The following ACSM3 variants were observed in gnomAD, a reference collection of about 807,000 sequenced individuals.
ACSM3 encodes the protein acyl-coenzyme A synthetase ACSM3, mitochondrial.
Under a neutral mutation model 74.1 loss-of-function variants are expected in ACSM3, and 61 were observed. The ratio of observed to expected loss-of-function variants is 0.82; its 90% CI spans 0.67 to 1.02. The LOEUF is 1.02. Ranked by LOEUF, ACSM3 falls within the 50% of genes least tolerant of loss-of-function variation. ACSM3 has a pLI of 0.00. For synonymous variants in ACSM3, 213 were observed against 241.5 expected (o/e 0.88, Z 1.09); for missense variants, 660 against 697.0 (o/e 0.95, Z 0.60).
rs1185799153 is a variant in ACSM3 at position 20,729,081 on chromosome 16, A to G, written c.-189-20829A>G. On this transcript the variant is annotated intron_variant, in intron 1 of 3. Coordinates refer to the ACSM3 transcript ENST00000561584. ...TATGATCAAGCCAATGCAGTCCAGC[A>G]TGGGCAACAGAAAGAGACTCTGTCT... 1.7e-5 allele frequency: 7 copies of G among 416,102 alleles called. No individual in the cohort carries two copies. In the East Asian group the frequency reaches 1.8e-4, roughly 10 times the overall value. 25.8% of individuals were successfully genotyped at this position (416,102 alleles called of 1,614,324 possible).
At chr16:20,717,791 T>C (rs1436974138) in intron 1 of ACSM3, among the ~76,000 whole-genome samples, 1 of 149,950 alleles carries the variant, frequency 6.7e-6, no homozygotes, top group South Asian at 2.1e-4. Flanking sequence ...ATTTAGGCTA[T>C]AGGGAGATGA....
At chr16:20,755,058 TC>T (rs2080018371) in intron 2 of ACSM3, among the ~76,000 whole-genome samples, 1 of 152,044 alleles carries the variant, frequency 6.6e-6, no homozygotes, top group Non-Finnish European at 1.5e-5. Flanking sequence ...GGAACTCTAG[TC>T]CCCACCCAAC....
chr16:20,739,418 G>A (rs1022796792), intron 1 of ACSM3, among the ~76,000 whole-genome samples: 221 of 152,028 alleles, frequency 1.5e-3, no homozygotes, highest in African/African-American at 5.2e-3. Context: ...TGATCCACTC[G>A]CCTCAGCCTC....
At chr16:20,682,037 T>C (rs2079456087) in intron 1 of ACSM3, 1 of 486,184 alleles carries the variant, frequency 2.1e-6, no homozygotes, top group Non-Finnish European at 3.7e-6. Context: ...ACTTCTGTAG[T>C]AAGCTTCCCC....
intron 2 of ACSM3, among the ~76,000 whole-genome samples, chr16:20,773,406 G>A (rs758334758): frequency 6.6e-5 from 10 of 151,852 alleles, no homozygotes; most frequent in Non-Finnish European, 1.3e-4. Flanking sequence ...TTTGGATTTA[G>A]TTTGTTCTTG....
chr16:20,754,073 G>A (rs1319999802), intron 2 of ACSM3, among the ~76,000 whole-genome samples: 1 of 152,182 alleles, frequency 6.6e-6, no homozygotes, highest in African/African-American at 2.4e-5. Flanking sequence ...CATGGTCATT[G>A]GAAGGAATGC....
chr16:20,691,800 TG>T, intron 1 of ACSM3, among the ~76,000 whole-genome samples: 1 of 143,086 alleles, frequency 7.0e-6, no homozygotes, highest in South Asian at 2.2e-4. Flanking sequence ...TGTGTGTGTG[TG>T]TGTGTTTCTA....
chr16:20,766,384 T>G (rs1421546056), intron 1 of ACSM3, among the ~76,000 whole-genome samples: 1 of 149,822 alleles, frequency 6.7e-6, no homozygotes, highest in Non-Finnish European at 1.5e-5. Context: ...CTGAGTGTGG[T>G]GGCTCCCACC....
At chr16:20,724,267 C>A (rs1037229403) in intron 1 of ACSM3, among the ~76,000 whole-genome samples, 1 of 152,136 alleles carries the variant, frequency 6.6e-6, no homozygotes. Flanking sequence ...TAAACAGAAC[C>A]AATGACAAAA....
chr16:20,688,745 C>T (rs1225977764), intron 1 of ACSM3, among the ~76,000 whole-genome samples: 1 of 151,924 alleles, frequency 6.6e-6, no homozygotes, highest in Non-Finnish European at 1.5e-5. Flanking sequence ...TATCCCTAGA[C>T]TTGCCCCTAC....
At chr16:20,697,556 T>TACACACACACACACAC (rs57633278) in intron 1 of ACSM3, 4 of 139,644 alleles carry the variant, frequency 2.9e-5, no homozygotes, top group East Asian at 2.3e-4. Flanking sequence ...AAAATTGGAT[T>TACACACACACACACAC]ACACACACAC....
intron 1 of ACSM3, among the ~76,000 whole-genome samples, chr16:20,748,195 G>C (rs2079966376): frequency 6.6e-6 from 1 of 151,982 alleles, no homozygotes; most frequent in Admixed American, 6.6e-5. Context: ...AAAGAGTCTA[G>C]GGTAACTGGA....
chr16:20,787,903 A>AC (rs1567360259), intron 9 of ACSM3, among the ~76,000 whole-genome samples: 1 of 151,964 alleles, frequency 6.6e-6, no homozygotes. Flanking sequence ...CTGAAGAACC[A>AC]CCCCCCGACA....
At chr16:20,747,625 T>G (rs76332893) in intron 1 of ACSM3, among the ~76,000 whole-genome samples, 1 of 152,362 alleles carries the variant, frequency 6.6e-6, no homozygotes, top group African/African-American at 2.4e-5. Flanking sequence ...TTTACTTCTT[T>G]GAGCACTTCT....
At chr16:20,679,608 G>C (rs2079395209) in intron 1 of ACSM3, 1 of 152,068 alleles carries the variant, frequency 6.6e-6, no homozygotes, top group African/African-American at 2.4e-5. Flanking sequence ...TACCATTTCT[G>C]CCTATACTAG....
chr16:20,780,922 TC>T, intron 5 of ACSM3, 51 bp from the exon 6 acceptor site: 2 of 1,612,370 alleles, frequency 1.2e-6, no homozygotes, highest in South Asian at 2.2e-5. Flanking sequence ...TATGTACTGG[TC>T]TTTTATATTT....
Position 20,733,325 on chromosome 16 carries a change from A to T in ACSM3, c.-189-16585A>T, listed in dbSNP as rs542271148. Among the ~76,000 whole-genome samples the T allele has an allele frequency of 3.3e-5, 5 of 152,024 alleles. No homozygotes were observed. The East Asian group carries it at 9.6e-4, about 29-fold the overall frequency. On this transcript the variant is annotated intron_variant, in intron 1 of 3. Coordinates refer to the ACSM3 transcript ENST00000561584. Reference sequence around the variant, plus strand: ...AAATAAAGATATATCCTAAATGTTCAAGACAATTTCTTCTACTTAACAACT... The same window carrying T: ...AAATAAAGATATATCCTAAATGTTCTAGACAATTTCTTCTACTTAACAACT...
chr16:20,730,551 G>A (rs2079823866), intron 1 of ACSM3, among the ~76,000 whole-genome samples: 1 of 152,078 alleles, frequency 6.6e-6, no homozygotes, highest in African/African-American at 2.4e-5. Context: ...ACACACCAGT[G>A]AGCCTCTGCA....
chr16:20,722,671 G>A (rs181893904), intron 1 of ACSM3, among the ~76,000 whole-genome samples: 5 of 152,234 alleles, frequency 3.3e-5, no homozygotes, highest in African/African-American at 7.2e-5. Context: ...ACATGAATAC[G>A]TGGGCAAGAG....
Sources: gnomAD v4.1 joint callset for allele counts (sites outside exome capture counted in the v4.1 genomes callset) on GRCh38, gnomAD v4.1.1 for gene constraint, MANE v1.5 for transcripts, NCBI Gene and HGNC (gene_info 2026-07-23, HGNC 2026-07-21) for gene names.